Variants in IGSF1 observed in about 807,000 individuals in gnomAD.
IGSF1 encodes immunoglobulin-like domain-containing protein 1.
Under a neutral mutation model 95.3 loss-of-function variants are expected in IGSF1, and 40 were observed. The observed-to-expected ratio is 0.42, with a 90% confidence interval of 0.33 to 0.55. IGSF1 has a LOEUF of 0.55. Among genes scored for constraint, IGSF1 ranks in the 20% least tolerant of loss-of-function variants. The probability of loss-of-function intolerance (pLI) is 0.10; values close to 1 mark genes in which losing one functional copy is unlikely to be tolerated. For missense variants in IGSF1, 906 were observed against 1,025.4 expected, an observed-to-expected ratio of 0.88 and a Z score of 1.59; for synonymous variants, 372 against 382.9, an observed-to-expected ratio of 0.97 and a Z score of 0.33.
At chrX:131,282,324 T>A in intron 7 of IGSF1, 120 bp downstream of exon 7, 1 of 513,891 alleles carries the variant, frequency 1.9e-6, no homozygotes, top group Middle Eastern at 4.4e-4. Context: ...TGTGTGTGTA[T>A]GTGTGTGTGT....
chrX:131,288,945 T>G, intron 1 of IGSF1: 1 of 227,021 alleles, frequency 4.4e-6, no homozygotes, highest in Non-Finnish European at 8.3e-6. Context: ...GGGTGCCGGG[T>G]ACATGCTCAG....
Position 131,273,781 on chromosome X carries a change from T to C in IGSF1, c.*15A>G. 8.3e-7 allele frequency: 1 copy of C among 1,199,911 alleles called. No individual in the cohort carries two copies. On this transcript the variant is annotated 3_prime_UTR_variant, in exon 20 of 20. Coordinates refer to ENST00000361420, the MANE Select transcript of IGSF1 (RefSeq NM_001555.5). ...AAGAGAGAGGAGAGGAAAGCTCTTGTAAAGGAGGAGATTATTATATTGGAA... is the reference window on the plus strand; with the variant it reads ...AAGAGAGAGGAGAGGAAAGCTCTTGCAAAGGAGGAGATTATTATATTGGAA...
intron 11 of IGSF1, 114 bp from the exon 12 acceptor site, chrX:131,278,865 C>G (rs2080514140): frequency 9.8e-6 from 7 of 711,125 alleles, no homozygotes; most frequent in African/African-American, 2.1e-5. Context: ...CAACCCAAAT[C>G]CAAACCCTTT....
rs374144394 is a variant in IGSF1 at position 131,276,175 on chromosome X, G to A, written c.2682C>T (p.Arg894=). Residue 894 remains arginine (R), a synonymous_variant, in exon 15 of 20, where the codon CGC becomes CGT. Coordinates refer to ENST00000361420, the MANE Select transcript of IGSF1 (RefSeq NM_001555.5). ...VVFPGKSVIL[R]CQGTFQGMRF... is the part of the protein sequence containing the mutation. ...TCATGCCCTGGAAAGTCCCTTGGCA[G>A]CGCAGGATCACACTCTTCCCAGGAA... The A allele has an allele frequency of 5.5e-5, 67 of 1,208,395 alleles. No homozygotes were observed. Among genetic ancestry groups the A allele is most frequent in the Non-Finnish European group, 7.4e-5 (66 of 894,065 alleles).
rs144820701 is a variant in IGSF1 at position 131,273,889 on chromosome X, T to G, written c.3918A>C (p.Glu1306Asp). Residue 1306 changes from glutamate to aspartate, a missense_variant, in exon 20 of 20, where the codon GAA becomes GAC. Around this residue, in one of 5 missense-constraint regions of IGSF1, gnomAD observed 411 missense variants for 494.9 expected, o/e 0.83. Coordinates refer to ENST00000361420, the MANE Select transcript of IGSF1 (RefSeq NM_001555.5). ...TDGRDQTIALEECNQEGEPGT... is the reference protein window; with the variant it reads ...TDGRDQTIALDECNQEGEPGT... The stretch of plus-strand genomic sequence containing the variant: ...CTGGTTCTCCTTCTTGGTTACACTC[T>G]TCAAGGGCAATGGTCTGGTCTCTTC... 1 of 1,210,816 alleles carries G rather than the reference T, an allele frequency of 8.3e-7. No homozygotes were observed. The highest frequency in any genetic ancestry group is 1.7e-5 in the African/African-American group (1 of 57,738).
chrX:131,278,650 A>G lies in IGSF1; in HGVS notation c.1852T>C (p.Ser618Pro). 1.7e-6 allele frequency: 2 copies of G among 1,211,088 alleles called. No individual in the cohort carries two copies. The highest frequency in any genetic ancestry group is 2.2e-6 in the Non-Finnish European group (2 of 894,701). Residue 618 changes from serine to proline, a missense_variant, in exon 12 of 20, where the codon TCA becomes CCA. By Grantham distance (74) the Ser-to-Pro change is moderately conservative. This residue lies in a region of IGSF1 where 40 missense variants were observed against 33.4 expected (regional missense o/e 1.20). Transcript: ENST00000361420. ...LTLWCRSPSGSTKEFVLLKDG... is the reference protein window; with the variant it reads ...LTLWCRSPSGPTKEFVLLKDG... ...TTCAGCAACACAAACTCCTTAGTTGAGCCAGAAGGGCTTCTGCACCAGAGG... is the reference window on the plus strand; with the variant it reads ...TTCAGCAACACAAACTCCTTAGTTGGGCCAGAAGGGCTTCTGCACCAGAGG...
intron 5 of IGSF1, among the ~76,000 whole-genome samples, chrX:131,283,887 T>A (rs1023109005): frequency 8.9e-6 from 1 of 111,922 alleles, no homozygotes; most frequent in African/African-American, 3.2e-5. Context: ...ACTTATCTAT[T>A]CATTAAGGAA....
At chrX:131,278,286 G>A (rs1046640329) in intron 12 of IGSF1, 152 bp from the exon 13 acceptor site, 1 of 689,398 alleles carries the variant, frequency 1.5e-6, no homozygotes, top group South Asian at 2.9e-5. Flanking sequence ...TTCCCATTCC[G>A]CCCCTCCCCC....
chrX:131,273,690 G>C lies in IGSF1; in HGVS notation c.*106C>G. On this transcript the variant is annotated 3_prime_UTR_variant, in exon 20 of 20. Transcript: ENST00000361420. ...CCTTTACCCAGCTCAGGTGATTAGA[G>C]ACCAAGGAACAGCAGATGGGGCTGA... is the stretch of plus-strand genomic sequence containing the variant. 1.2e-6 allele frequency: 1 copy of C among 805,120 alleles called. No homozygotes were observed. The highest frequency in any genetic ancestry group is 2.5e-5 in the South Asian group (1 of 39,652). 66.4% of individuals were successfully genotyped at this position (805,120 alleles called of 1,213,427 possible).
At chrX:131,280,944 G>C (rs923704048) in intron 9 of IGSF1, 1 of 256,804 alleles carries the variant, frequency 3.9e-6, no homozygotes, top group African/African-American at 2.8e-5. Context: ...TGGTTTGTGG[G>C]CGAGATTTGG....
chrX:131,281,742 A>T lies in IGSF1; in HGVS notation c.1449T>A (p.Ser483Arg). 1 of 1,210,614 alleles carries T rather than the reference A, an allele frequency of 8.3e-7. No individual in the cohort carries two copies. The highest frequency in any genetic ancestry group is 1.1e-6 in the Non-Finnish European group (1 of 894,409). Residue 483 changes from serine (S) to arginine (R), a missense_variant, in exon 8 of 20, where the codon AGT becomes AGA. By Grantham distance (110) the Ser-to-Arg change is moderately radical. Coordinates refer to ENST00000361420, the MANE Select transcript of IGSF1 (RefSeq NM_001555.5). Reference sequence around the variant, plus strand: ...GATGTGTCTCTACGCGATAGCTGCAACTGTAGGTCCCTGTGCCTTTCCCGT... The same window carrying T: ...GATGTGTCTCTACGCGATAGCTGCATCTGTAGGTCCCTGTGCCTTTCCCGT... ...NVDGKGTGTYSCSYRVETHPN... is the reference protein window; with the variant it reads ...NVDGKGTGTYRCSYRVETHPN...
In IGSF1 at chrX:131,279,360, A is replaced by G. The variant is rs2080523335; in HGVS notation, c.1647-19T>C. On this transcript the variant is annotated intron_variant, in intron 9 of 19. Transcript: ENST00000361420. ...GGCTTCTCTAGTGAGACCAGAAAAG[A>G]GATGAGAGGAGTTGCTGGGATGAGG... is the stretch of plus-strand genomic sequence containing the variant. 9 of 1,178,652 alleles carry G rather than the reference A, an allele frequency of 7.6e-6. No individual in the cohort carries two copies. Among genetic ancestry groups the G allele is most frequent in the Non-Finnish European group, 1.0e-5 (9 of 867,081 alleles).
intron 11 of IGSF1, 53 bp from the exon 12 acceptor site, chrX:131,278,804 C>T: frequency 9.1e-7 from 1 of 1,096,185 alleles, no homozygotes; most frequent in Admixed American, 2.3e-5. Flanking sequence ...TCCCCTCCCT[C>T]CTCCTTGCCC....
intron 7 of IGSF1, 87 bp downstream of exon 7, chrX:131,282,357 G>A: frequency 1.4e-6 from 1 of 722,132 alleles, no homozygotes; most frequent in Non-Finnish European, 2.1e-6. Flanking sequence ...GCTCTCAGAG[G>A]ATATGAGGCT....
rs2080616036 is a variant in IGSF1, at chrX:131,285,179, C to A, written c.667G>T (p.Gly223Ter). The A allele has an allele frequency of 2.5e-6, 3 of 1,177,682 alleles. No homozygotes were observed. The highest frequency in any genetic ancestry group is 3.4e-6 in the Non-Finnish European group (3 of 877,008). The change falls in exon 5 of 20, where the codon GGA becomes TGA. Residue 223 changes from glycine to a stop codon, truncating the protein, a stop_gained and splice_region_variant. Coordinates refer to ENST00000361420, the MANE Select transcript of IGSF1 (RefSeq NM_001555.5). LOFTEE classifies it high-confidence loss of function. ...PSNPLKLVVA[G>*]LYPKPTLTAH... ...TGCCAGCAGCCATAGCCACACCCAC[C>A]TGCTACAACCAGCTTCAGGGGGTTG...
chrX:131,281,995 C>T (rs1227969554), intron 7 of IGSF1, 51 bp from the exon 8 acceptor site: 1 of 1,074,559 alleles, frequency 9.3e-7, no homozygotes. Context: ...ACCCAGTACC[C>T]TCTCCCCCAG....
chrX:131,285,020 C>T (rs2080612474), intron 5 of IGSF1, 159 bp downstream of exon 5: 2 of 911,402 alleles, frequency 2.2e-6, no homozygotes, highest in Non-Finnish European at 2.9e-6. Context: ...ACATGCCATT[C>T]TAATTTATAT....
At chrX:131,280,746 G>C (rs375897860) in intron 9 of IGSF1, among the ~76,000 whole-genome samples, 1 of 110,623 alleles carries the variant, frequency 9.0e-6, no homozygotes, top group Non-Finnish European at 1.9e-5. Flanking sequence ...CACAGTGTCA[G>C]AGACTGGTTA....
intron 17 of IGSF1, 31 bp downstream of exon 17, chrX:131,274,968 G>A (rs776163735): frequency 1.2e-5 from 15 of 1,202,272 alleles, no homozygotes; most frequent in South Asian, 3.6e-5. Context: ...CTACAAAATC[G>A]TGACTTGTAC....
Sources: allele counts gnomAD v4.1 joint callset (sites outside exome capture counted in the v4.1 genomes callset), GRCh38; gene constraint gnomAD v4.1.1; regional missense constraint gnomAD v4.1.1; transcripts MANE v1.5; gene names NCBI Gene and HGNC (gene_info 2026-07-23, HGNC 2026-07-21).